MGAT4C: variants seen among roughly 807,000 people sequenced by gnomAD.
MGAT4C encodes the protein MGAT4 family member C.
A neutral mutation model predicts 40.1 loss-of-function variants in MGAT4C; 19 were observed. The ratio of observed to expected loss-of-function variants is 0.47; its 90% CI spans 0.33 to 0.70. The LOEUF (loss-of-function observed/expected upper bound fraction) is 0.70. Ranked by LOEUF, MGAT4C falls within the 30% of genes least tolerant of loss-of-function variation. The pLI is 0.02. For synonymous variants in MGAT4C, 181 were observed against 187.1 expected (o/e 0.97, Z 0.27); for missense variants, 491 against 563.2 (o/e 0.87, Z 1.30).
intron 2 of MGAT4C, among the ~76,000 whole-genome samples, chr12:86,519,886 A>T (rs886511912): frequency 6.6e-6 from 1 of 151,990 alleles, no homozygotes. Flanking sequence ...TTTGTGCATA[A>T]GATTTTTTAG....
chr12:86,309,987 C>A (rs1032180283), intron 4 of MGAT4C, among the ~76,000 whole-genome samples: 3 of 149,620 alleles, frequency 2.0e-5, no homozygotes, highest in Non-Finnish European at 4.5e-5. Context: ...TACGATAAAG[C>A]AACAAAAAGA....
rs139651450 is a variant in MGAT4C, at chr12:86,223,439, T to C, written c.-57+32800A>G. On this transcript the variant is annotated intron_variant, in intron 1 of 4. Coordinates refer to ENST00000611864, the MANE Select transcript of MGAT4C (RefSeq NM_001351288.2). ...GCACTTTCACACTTCAAGAGCAAAT[T>C]CTACCACAGCTACTGCAGGCTACTG... 5.3e-5 allele frequency among the ~76,000 whole-genome samples: 8 copies of C among 152,186 alleles called. No individual in the cohort carries two copies. In the East Asian group the frequency reaches 1.6e-3, roughly 29 times the overall value.
At chr12:86,170,826 G>T (rs535915967) in intron 1 of MGAT4C, among the ~76,000 whole-genome samples, 1 of 152,056 alleles carries the variant, frequency 6.6e-6, no homozygotes, top group African/African-American at 2.4e-5. Flanking sequence ...GTTAGTGTGC[G>T]CCTGGAGTCC....
At chr12:86,177,123 C>T (rs1355676088) in intron 1 of MGAT4C, among the ~76,000 whole-genome samples, 1 of 151,942 alleles carries the variant, frequency 6.6e-6, no homozygotes, top group Non-Finnish European at 1.5e-5. Flanking sequence ...CTGCAACTCT[C>T]TCAAGAAACA....
intron 2 of MGAT4C, among the ~76,000 whole-genome samples, chr12:86,536,127 A>G (rs560203147): frequency 6.6e-6 from 1 of 152,234 alleles, no homozygotes; most frequent in South Asian, 2.1e-4. Flanking sequence ...TCTTGTGGAT[A>G]TGGCAGCATA....
chr12:86,092,877 T>G (rs190566551), intron 1 of MGAT4C, among the ~76,000 whole-genome samples: 2 of 152,172 alleles, frequency 1.3e-5, no homozygotes. Flanking sequence ...TTATTATACT[T>G]TAAGTTCTAA....
At chr12:86,035,424 G>A (rs1565889331) in intron 2 of MGAT4C, among the ~76,000 whole-genome samples, 1 of 149,556 alleles carries the variant, frequency 6.7e-6, no homozygotes, top group Non-Finnish European at 1.5e-5. Flanking sequence ...TTTTGATGGG[G>A]TTGTTTTTTT....
chr12:86,676,332 AAAT>A (rs1205644448), intron 2 of MGAT4C, among the ~76,000 whole-genome samples: 1 of 152,212 alleles, frequency 6.6e-6, no homozygotes, highest in African/African-American at 2.4e-5. Context: ...GCTTAATTTT[AAAT>A]AATTAGCTTT....
intron 2 of MGAT4C, among the ~76,000 whole-genome samples, chr12:86,005,598 G>A (rs910518189): frequency 6.6e-6 from 1 of 152,144 alleles, no homozygotes; most frequent in Non-Finnish European, 1.5e-5. Context: ...GCCCAGGGAA[G>A]ATGGGCTATC....
chr12:86,685,688 G>A (rs186671189), intron 2 of MGAT4C, among the ~76,000 whole-genome samples: 7 of 152,048 alleles, frequency 4.6e-5, no homozygotes, highest in African/African-American at 1.7e-4. Context: ...CCATTTGTTT[G>A]TGCCCTCTCT....
At chr12:86,175,915 G>T (rs896616934) in intron 1 of MGAT4C, among the ~76,000 whole-genome samples, 6 of 152,086 alleles carry the variant, frequency 3.9e-5, no homozygotes, top group African/African-American at 1.4e-4. Flanking sequence ...AGCTTGCAGT[G>T]AGCCGATATC....
At chr12:86,070,478 T>G (rs1894980715) in intron 1 of MGAT4C, among the ~76,000 whole-genome samples, 1 of 152,094 alleles carries the variant, frequency 6.6e-6, no homozygotes, top group Non-Finnish European at 1.5e-5. Context: ...TCCACTTTTT[T>G]GTGTACATTC....
intron 2 of MGAT4C, among the ~76,000 whole-genome samples, chr12:86,579,818 C>G (rs184515650): frequency 6.6e-6 from 1 of 151,380 alleles, no homozygotes; most frequent in Admixed American, 6.6e-5. Flanking sequence ...GCCAGGTATA[C>G]GATTATAGGT....
chr12:85,986,574 G>C (rs1885222583), intron 3 of MGAT4C, among the ~76,000 whole-genome samples: 1 of 152,118 alleles, frequency 6.6e-6, no homozygotes, highest in South Asian at 2.1e-4. Flanking sequence ...ACAAAAAGAC[G>C]AGAATAGAAT....
intron 1 of MGAT4C, among the ~76,000 whole-genome samples, chr12:86,242,576 A>G (rs1390704625): frequency 6.6e-6 from 1 of 152,206 alleles, no homozygotes; most frequent in East Asian, 1.9e-4. Context: ...ACTTTGGACT[A>G]AAGTTTCAAG....
At chr12:86,122,723 C>G (rs1038813149) in intron 1 of MGAT4C, among the ~76,000 whole-genome samples, 1 of 151,922 alleles carries the variant, frequency 6.6e-6, no homozygotes, top group African/African-American at 2.4e-5. Flanking sequence ...ATCAACAAAA[C>G]AATAAGCAGA....
rs933470974 is a variant in MGAT4C at position 85,966,600 on chromosome 12, G to C, written c.*12689C>G. ...TGCTTCTATAAAGACACATGCACAC[G>C]TATGTTTATTGCGGCACTATTCACA... is the stretch of plus-strand genomic sequence containing the variant. On this transcript the variant is annotated 3_prime_UTR_variant, in exon 5 of 5. Coordinates refer to ENST00000611864, the MANE Select transcript of MGAT4C (RefSeq NM_001351288.2). The C allele has an allele frequency of 6.6e-6, 1 of 152,054 alleles. No homozygotes were observed. The highest frequency in any genetic ancestry group is 1.5e-5 in the Non-Finnish European group (1 of 68,022). The allele number at this position is 152,054 out of a possible 1,614,324, so 9.4% of individuals were successfully genotyped here.
intron 2 of MGAT4C, among the ~76,000 whole-genome samples, chr12:86,512,930 G>A (rs1958618252): frequency 6.7e-6 from 1 of 150,076 alleles, no homozygotes; most frequent in Non-Finnish European, 1.5e-5. Context: ...CATATTAAAT[G>A]TTCCTACTCT....
At chr12:86,592,291 T>A (rs974132185) in intron 2 of MGAT4C, among the ~76,000 whole-genome samples, 1 of 152,082 alleles carries the variant, frequency 6.6e-6, no homozygotes, top group Non-Finnish European at 1.5e-5. Context: ...TTAGAAGACA[T>A]GAATTTCTTT....
Sources: allele counts gnomAD v4.1 joint callset (sites outside exome capture counted in the v4.1 genomes callset), GRCh38; gene constraint gnomAD v4.1.1; transcripts MANE v1.5; gene names NCBI Gene and HGNC (gene_info 2026-07-23, HGNC 2026-07-21).